The following DAPK2 variants were observed in gnomAD, a reference collection of about 807,000 sequenced individuals.
DAPK2 encodes the protein death associated protein kinase 2.
DAPK2 carries 35 observed loss-of-function variants against 44.1 expected under a neutral mutation model. The observed-to-expected ratio is 0.79, with a 90% confidence interval of 0.61 to 1.05. The LOEUF is 1.05. Among genes scored for constraint, DAPK2 ranks in the 50% least tolerant of loss-of-function variants. The pLI, the probability that DAPK2 is intolerant of heterozygous loss-of-function variation, is 0.00. For missense variants in DAPK2, 453 were observed against 483.2 expected, an observed-to-expected ratio of 0.94 and a Z score of 0.59; for synonymous variants, 174 against 182.6, an observed-to-expected ratio of 0.95 and a Z score of 0.38.
intron 3 of DAPK2, among the ~76,000 whole-genome samples, chr15:63,962,177 G>C (rs1373985239): frequency 6.6e-6 from 1 of 152,210 alleles, no homozygotes. Flanking sequence ...TCTCGTGCCA[G>C]GGTTTTCAGC....
At chr15:64,033,264 AGGGGG>A (rs2080071865) in intron 1 of DAPK2, among the ~76,000 whole-genome samples, 1 of 46,336 alleles carries the variant, frequency 2.2e-5, no homozygotes, top group Admixed American at 2.6e-4. Context: ...GGGGAGGGGG[AGGGGG>A]AGGGGGAAGG....
rs1408976872 is a variant in DAPK2 at position 63,980,268 on chromosome 15, A to G, written c.314+3265T>C. ...TTGGGAAAAACACAGACATCTCAAGAGCATTTACCTGCCACATCCCCGCCA... is the reference window on the plus strand; with the variant it reads ...TTGGGAAAAACACAGACATCTCAAGGGCATTTACCTGCCACATCCCCGCCA... On this transcript the variant is annotated intron_variant, in intron 2 of 10. Transcript: ENST00000261891. This position sits in a 1 kb window ranked among gnomAD's most constrained non-coding sequence, Gnocchi z 4.3. 6.6e-6 allele frequency among the ~76,000 whole-genome samples: 1 copy of G among 152,196 alleles called. No homozygotes were observed. Among genetic ancestry groups the G allele is most frequent in the Non-Finnish European group, 1.5e-5 (1 of 68,034 alleles).
chr15:63,957,710 T>A (rs2140591457), intron 3 of DAPK2, among the ~76,000 whole-genome samples: 1 of 152,288 alleles, frequency 6.6e-6, no homozygotes, highest in East Asian at 1.9e-4. Context: ...GGCTGCATAG[T>A]ATTCCACGGT....
chr15:64,031,015 C>CACACAT (rs1175395452), intron 1 of DAPK2, among the ~76,000 whole-genome samples: 1 of 151,052 alleles, frequency 6.6e-6, no homozygotes, highest in African/African-American at 2.4e-5. Context: ...CACACACACA[C>CACACAT]GGAATTTGCA....
Position 63,923,218 on chromosome 15 carries a change from G to C in DAPK2, c.858+1598C>G. ...CCACCACACAGGCAAAACGCTCGAA[G>C]TTGACATAGGAGTTGTTGGGAGGCA... On this transcript the variant is annotated intron_variant, in intron 8 of 10. Coordinates refer to ENST00000261891, the Ensembl canonical transcript of DAPK2. The surrounding 1 kb of genome is among the most constrained non-coding windows in gnomAD (Gnocchi z 4.2). The C allele has an allele frequency of 6.5e-7, 1 of 1,535,948 alleles. No individual in the cohort carries two copies. Among genetic ancestry groups the C allele is most frequent in the Non-Finnish European group, 8.7e-7 (1 of 1,146,754 alleles).
At chr15:64,022,413 G>A (rs1364334431) in intron 1 of DAPK2, among the ~76,000 whole-genome samples, 2 of 152,218 alleles carry the variant, frequency 1.3e-5, no homozygotes, top group African/African-American at 2.4e-5. Context: ...TAAGGCTTGA[G>A]CTAGGATACA....
chr15:63,933,865 G>T (rs1036860926), intron 4 of DAPK2, among the ~76,000 whole-genome samples: 3 of 152,112 alleles, frequency 2.0e-5, no homozygotes, highest in African/African-American at 7.2e-5. Flanking sequence ...AAAGTGCTGG[G>T]ATTACAGGCT....
chr15:64,016,703 A>G lies in DAPK2; in HGVS notation c.92+23467T>C, dbSNP rs572684948. Among the ~76,000 whole-genome samples, 11 of 152,158 alleles carry G rather than the reference A, an allele frequency of 7.2e-5. 1 individual carries two copies. The East Asian group carries it at 1.9e-3, about 27-fold the overall frequency. ...AGCCGCTTCAGAGGCTGAAGTGGGA[A>G]GATCGCTTGAGCCCAGGAGGTCAAG... On this transcript the variant is annotated intron_variant, in intron 1 of 10. Coordinates refer to ENST00000261891, the Ensembl canonical transcript of DAPK2.
rs186092714 is a variant in DAPK2 at position 64,013,151 on chromosome 15, C to T, written c.92+27019G>A. On this transcript the variant is annotated intron_variant, in intron 1 of 10. Transcript: ENST00000261891. The surrounding 1 kb of genome is among the most constrained non-coding windows in gnomAD (Gnocchi z 4.7). ...GGTGGCAACCAAATCATTAAAGAGC[C>T]GACTCATTTCACGGTGCATGTGCAC... 3.5e-4 allele frequency among the ~76,000 whole-genome samples: 54 copies of T among 152,312 alleles called. No individual in the cohort carries two copies. Among genetic ancestry groups the T allele is most frequent in the Non-Finnish European group, 6.6e-4 (45 of 68,038 alleles).
At chr15:63,926,268 T>G in intron 6 of DAPK2, 175 bp from the exon 8 acceptor site, 1 of 592,110 alleles carries the variant, frequency 1.7e-6, no homozygotes, top group Non-Finnish European at 2.9e-6. Flanking sequence ...TCCAATTCAA[T>G]ACATGTTCAT....
chr15:63,972,535 C>T (rs1014865386), intron 2 of DAPK2, among the ~76,000 whole-genome samples: 10 of 152,146 alleles, frequency 6.6e-5, no homozygotes, highest in Admixed American at 2.0e-4. Context: ...GAACATGTTA[C>T]TGGTCTGGTC....
exon 5 of DAPK2, chr15:63,930,444 C>T (rs775357202): frequency 6.2e-7 from 1 of 1,614,170 alleles, no homozygotes; most frequent in South Asian, 1.1e-5. Flanking sequence ...TCGTAGTTCA[C>T]AATTTCTGGA....
chr15:63,971,364 G>A, intron 3 of DAPK2, 59 bp downstream of exon 4: 1 of 1,595,900 alleles, frequency 6.3e-7, no homozygotes, highest in Non-Finnish European at 8.6e-7. Context: ...AAAGACACCA[G>A]GAGGGACTAA....
rs1440926771 is a variant in DAPK2, at chr15:64,013,379, G to T, written c.92+26791C>A. On this transcript the variant is annotated intron_variant, in intron 1 of 10. Transcript: ENST00000261891. The surrounding 1 kb of genome is among the most constrained non-coding windows in gnomAD (Gnocchi z 4.7). ...GAATGTGGGCAGTCTTAAGAGGCCA[G>T]GAACTAACAGCTTAAACTACACTAC... Among the ~76,000 whole-genome samples, 7 of 152,230 alleles carry T rather than the reference G, an allele frequency of 4.6e-5. No homozygotes were observed. Among genetic ancestry groups the T allele is most frequent in the African/African-American group, 1.7e-4 (7 of 41,460 alleles).
At chr15:63,964,737 C>T (rs1026371700) in intron 3 of DAPK2, among the ~76,000 whole-genome samples, 9 of 152,012 alleles carry the variant, frequency 5.9e-5, no homozygotes, top group Admixed American at 1.3e-4. Flanking sequence ...CAGACTCTGA[C>T]GCATTCTTCA....
chr15:63,955,570 T>G (rs2077700763), intron 3 of DAPK2, among the ~76,000 whole-genome samples: 1 of 152,192 alleles, frequency 6.6e-6, no homozygotes, highest in Non-Finnish European at 1.5e-5. Context: ...TCTTTGTTGT[T>G]GTTGTCGTCA....
At chr15:63,966,000 C>T (rs2078044600) in intron 3 of DAPK2, among the ~76,000 whole-genome samples, 1 of 152,212 alleles carries the variant, frequency 6.6e-6, no homozygotes, top group African/African-American at 2.4e-5. Context: ...TTTATCATTC[C>T]CTTTCCTCTT....
At chr15:63,922,932 G>T in intron 8 of DAPK2, 2 of 1,535,930 alleles carry the variant, frequency 1.3e-6, no homozygotes, top group Non-Finnish European at 1.7e-6. Flanking sequence ...AACTGGGCTT[G>T]CAGATGGTCC....
intron 8 of DAPK2, among the ~76,000 whole-genome samples, chr15:63,915,317 G>T (rs75670394): frequency 2.0e-5 from 3 of 152,116 alleles, no homozygotes; most frequent in Non-Finnish European, 4.4e-5. Flanking sequence ...CTAGAATCTC[G>T]TTTCCAAGGT....
Sources: gnomAD v4.1 joint callset for allele counts (sites outside exome capture counted in the v4.1 genomes callset) on GRCh38, gnomAD v4.1.1 for gene constraint, Gnocchi (gnomAD v3.1) non-coding constraint, MANE v1.5 for transcripts, NCBI Gene and HGNC (gene_info 2026-07-23, HGNC 2026-07-21) for gene names.